AUNIP: variants seen among roughly 807,000 people sequenced by gnomAD.
The protein encoded by AUNIP is aurora kinase A and ninein interacting protein, also known as aurora kinase A- and ninein-interacting protein.
A neutral mutation model predicts 12.2 loss-of-function variants in AUNIP; 16 were observed. The observed-to-expected ratio is 1.31, with a 90% CI of 0.88 to 1.99. The LOEUF (loss-of-function observed/expected upper bound fraction) is 1.99. Among genes scored for constraint, AUNIP ranks in the 30% most tolerant of loss-of-function variants. AUNIP has a pLI of 0.00. For synonymous variants in AUNIP, 142 were observed against 154.8 expected (o/e 0.92, Z 0.61); for missense variants, 411 against 419.1 (o/e 0.98, Z 0.17).
intron 1 of AUNIP, among the ~76,000 whole-genome samples, chr1:25,845,300 TTCTC>T (rs1468430331): frequency 6.6e-6 from 1 of 152,196 alleles, no homozygotes; most frequent in African/African-American, 2.4e-5. Flanking sequence ...TGTCAACAGT[TTCTC>T]TATTACCTGT....
downstream of AUNIP, chr1:25,832,392 G>C (rs2048257213): frequency 1.0e-4 from 48 of 472,630 alleles, 2 homozygotes; most frequent in South Asian, 1.1e-3. Context: ...AAGACACTTT[G>C]TGCCCAGCTG....
chr1:25,838,648 T>A (rs17163302), intron 1 of AUNIP, among the ~76,000 whole-genome samples: 30,331 of 152,246 alleles, frequency 0.2, 3,688 homozygotes, highest in East Asian at 0.33. Context: ...ACTACACTTT[T>A]AACTCAGGCG....
chr1:25,858,044 G>A (rs2048476988), intron 1 of AUNIP, among the ~76,000 whole-genome samples: 1 of 152,148 alleles, frequency 6.6e-6, no homozygotes, highest in African/African-American at 2.4e-5. Context: ...GTGGCCGCCT[G>A]TAGTCCCAGC....
At chr1:25,845,746 G>A (rs1429929272) in intron 1 of AUNIP, among the ~76,000 whole-genome samples, 5 of 152,052 alleles carry the variant, frequency 3.3e-5, no homozygotes, top group East Asian at 1.9e-4. Flanking sequence ...AGGATTTCCC[G>A]TTTTCATTTT....
chr1:25,835,934 C>T (rs893783452), intron 2 of AUNIP, 88 bp from the exon 3 acceptor site: 1 of 1,526,728 alleles, frequency 6.5e-7, no homozygotes. Context: ...TCAGTATCAG[C>T]TACTATTACT....
chr1:25,854,441 T>C (rs898135056), intron 1 of AUNIP, among the ~76,000 whole-genome samples: 2 of 152,182 alleles, frequency 1.3e-5, no homozygotes, highest in Non-Finnish European at 2.9e-5. Context: ...ATTAGCTTAA[T>C]ATCAAGGATA....
intron 1 of AUNIP, among the ~76,000 whole-genome samples, chr1:25,853,384 G>A (rs2124513781): frequency 6.6e-6 from 1 of 152,214 alleles, no homozygotes; most frequent in African/African-American, 2.4e-5. Flanking sequence ...ATCACCTGAG[G>A]TCAGGAGTTT....
In AUNIP at chr1:25,835,101, G is replaced by A; in HGVS notation, c.966C>T (p.Asn322=). Residue 322 remains asparagine (N), a synonymous_variant, in exon 3 of 3, where the codon AAC becomes AAT. Coordinates refer to ENST00000374298, the MANE Select transcript of AUNIP (RefSeq NM_024037.3). The part of the protein sequence containing the change: ...NWNWDLGPFP[N]SPWAQCQEDG... ...CCTCCTGGCACTGAGCCCAAGGACT[G>A]TTAGGAAACGGCCCTAAGTCCCAAT... is the stretch of plus-strand genomic sequence containing the variant. The A allele has an allele frequency of 6.2e-7, 1 of 1,614,232 alleles. No homozygotes were observed. The highest frequency in any genetic ancestry group is 8.5e-7 in the Non-Finnish European group (1 of 1,180,050).
intron 2 of AUNIP, among the ~76,000 whole-genome samples, chr1:25,836,229 T>C (rs558162032): frequency 6.6e-6 from 1 of 152,212 alleles, no homozygotes; most frequent in Admixed American, 6.5e-5. Context: ...TAAATGGTGA[T>C]CCTGGTCAAA....
Position 25,834,195 on chromosome 1 carries a change from AC to A in AUNIP, c.*797del. ...CACAAAAATAAAATAGGAAACTAGC[AC>A]CATTCTACCTCTCTTCTCTCCACAC... On this transcript the variant is annotated 3_prime_UTR_variant, in exon 3 of 3. Coordinates refer to ENST00000374298, the MANE Select transcript of AUNIP (RefSeq NM_024037.3). 1.0e-6 allele frequency: 1 copy of A among 985,308 alleles called. No homozygotes were observed. Among genetic ancestry groups the A allele is most frequent in the South Asian group, 4.7e-5 (1 of 21,284 alleles). The allele number at this position is 985,308 out of a possible 1,614,324, so 61.0% of individuals were successfully genotyped here.
intron 1 of AUNIP, among the ~76,000 whole-genome samples, chr1:25,856,338 T>C (rs2124516428): frequency 6.8e-6 from 1 of 146,878 alleles, no homozygotes. Context: ...CACTCCAGCC[T>C]GGGTGACAGA....
intron 1 of AUNIP, 100 bp downstream of exon 1, chr1:25,859,180 C>A: frequency 7.9e-7 from 1 of 1,261,168 alleles, no homozygotes; most frequent in Non-Finnish European, 1.1e-6. Flanking sequence ...CTGTCCCCGA[C>A]TTCGCTTTCA....
rs767275773 is a variant in AUNIP, at chr1:25,835,030, T to C, written c.1037A>G (p.Asp346Gly). ...TCTGATAACTTGATTACCTTCAGAG[T>C]CCTGGGTAAAGAGCAAATCAGGCTT... ...NLKPDLLFTQ[D>G]SEGNQVIRHQ... The change falls in exon 3 of 3, where the codon GAC (aspartate) becomes GGC (glycine). Residue 346 changes from aspartate to glycine, a missense_variant. Physicochemically the swap from Asp to Gly is moderately conservative, Grantham distance 94. Transcript: ENST00000374298. 10 of 1,614,022 alleles carry C rather than the reference T, an allele frequency of 6.2e-6. No homozygotes were observed. Among genetic ancestry groups the C allele is most frequent in the African/African-American group, 1.3e-5 (1 of 75,018 alleles).
In AUNIP at chr1:25,857,247, ATT is replaced by A. The variant is rs71004545; in HGVS notation, c.78+2031_78+2032del. 2.0e-3 allele frequency among the ~76,000 whole-genome samples: 255 copies of A among 125,144 alleles called. 1 individual carries two copies. Among genetic ancestry groups the A allele is most frequent in the Middle Eastern group, 0.016 (4 of 244 alleles). The allele number at this position is 125,144 out of a possible 152,430, so 82.1% of individuals were successfully genotyped here. ...TAATAAATAGCTATTGCACATTTTG[ATT>A]TTTTTTTTTTTTTTTTTGAGACTGA... On this transcript the variant is annotated intron_variant, in intron 1 of 2. Coordinates refer to ENST00000374298, the MANE Select transcript of AUNIP (RefSeq NM_024037.3).
intron 1 of AUNIP, among the ~76,000 whole-genome samples, chr1:25,842,092 G>C (rs2048351009): frequency 6.6e-6 from 1 of 152,162 alleles, no homozygotes. Context: ...AAATGATCAT[G>C]CTTAAGTGAG....
intron 1 of AUNIP, among the ~76,000 whole-genome samples, chr1:25,844,826 T>C (rs1230428458): frequency 6.6e-6 from 1 of 152,200 alleles, no homozygotes; most frequent in Non-Finnish European, 1.5e-5. Flanking sequence ...GAGAGCATCA[T>C]CACCAAGTCC....
At chr1:25,844,930 G>C (rs2048371769) in intron 1 of AUNIP, among the ~76,000 whole-genome samples, 1 of 152,182 alleles carries the variant, frequency 6.6e-6, no homozygotes, top group Non-Finnish European at 1.5e-5. Context: ...GAGTCAGGTT[G>C]AAAGGATGAC....
chr1:25,832,492 T>G, downstream of AUNIP: 1 of 300,278 alleles, frequency 3.3e-6, no homozygotes, highest in East Asian at 6.7e-5. Flanking sequence ...GCACGGAAAA[T>G]CTTATGCTGC....
chr1:25,848,865 A>G (rs2048405809), intron 1 of AUNIP, among the ~76,000 whole-genome samples: 1 of 152,200 alleles, frequency 6.6e-6, no homozygotes, highest in African/African-American at 2.4e-5. Context: ...CTGTTTCTTC[A>G]CTAGGAGGAC....
Sources: gnomAD v4.1 joint callset for allele counts (sites outside exome capture counted in the v4.1 genomes callset) on GRCh38, gnomAD v4.1.1 for gene constraint, MANE v1.5 for transcripts, NCBI Gene and HGNC (gene_info 2026-07-23, HGNC 2026-07-21) for gene names.